Variants in EYA3 observed in about 807,000 individuals in gnomAD.
The protein encoded by EYA3 is protein phosphatase EYA3.
A neutral mutation model predicts 80.0 loss-of-function variants in EYA3; 39 were observed. The observed-to-expected ratio is 0.49, with a 90% CI of 0.38 to 0.64. The LOEUF is 0.64. Ranked by LOEUF, EYA3 falls within the 30% of genes least tolerant of loss-of-function variation. The pLI is 0.00. For missense variants in EYA3, 523 were observed against 676.1 expected (o/e 0.77, Z 2.51); for synonymous variants, 206 against 232.8 (o/e 0.88, Z 1.05).
intron 11 of EYA3, among the ~76,000 whole-genome samples, chr1:28,003,551 A>T (rs1213906554): frequency 6.6e-6 from 1 of 152,210 alleles, no homozygotes; most frequent in Non-Finnish European, 1.5e-5. Context: ...AATAACTGGA[A>T]GTAACAGGAC....
At chr1:28,000,074 G>C (rs1430747785) in intron 11 of EYA3, 25 bp from the exon 12 acceptor site, 1 of 1,537,114 alleles carries the variant, frequency 6.5e-7, no homozygotes, top group African/African-American at 1.4e-5. Context: ...GAAAAAATCA[G>C]CTTGACTTGG....
intron 6 of EYA3, among the ~76,000 whole-genome samples, chr1:28,032,743 A>G (rs1293620179): frequency 6.6e-6 from 1 of 152,182 alleles, no homozygotes; most frequent in Non-Finnish European, 1.5e-5. Context: ...CTTTACTTTA[A>G]AAGATTACTC....
intron 1 of EYA3, among the ~76,000 whole-genome samples, chr1:28,078,900 T>C (rs1557653443): frequency 6.6e-6 from 1 of 152,204 alleles, no homozygotes; most frequent in Non-Finnish European, 1.5e-5. Flanking sequence ...AAACCACAGC[T>C]ATGTGTCTCA....
chr1:28,051,256 A>G (rs1338232873), intron 2 of EYA3, among the ~76,000 whole-genome samples: 1 of 152,200 alleles, frequency 6.6e-6, no homozygotes, highest in Non-Finnish European at 1.5e-5. Context: ...AAACCACTAG[A>G]ACTGATAAAC....
intron 7 of EYA3, among the ~76,000 whole-genome samples, chr1:28,023,372 T>C (rs905247339): frequency 6.6e-6 from 1 of 152,154 alleles, no homozygotes; most frequent in Non-Finnish European, 1.5e-5. Flanking sequence ...CTGTACATAG[T>C]GAATTCTATC....
intron 10 of EYA3, among the ~76,000 whole-genome samples, chr1:28,010,429 T>G (rs1164012211): frequency 1.3e-5 from 2 of 152,170 alleles, no homozygotes; most frequent in Non-Finnish European, 2.9e-5. Flanking sequence ...CTCACTCTGT[T>G]GCCCTGGCTG....
intron 2 of EYA3, among the ~76,000 whole-genome samples, chr1:28,052,744 C>A (rs1571904393): frequency 6.6e-6 from 1 of 151,802 alleles, no homozygotes; most frequent in South Asian, 2.1e-4. Flanking sequence ...GAGTTCAAGA[C>A]CAGCCTGGCC....
intron 1 of EYA3, among the ~76,000 whole-genome samples, chr1:28,083,520 A>C (rs1645506278): frequency 6.8e-6 from 1 of 146,372 alleles, no homozygotes; most frequent in East Asian, 2.0e-4. Context: ...ACTCCGTCTC[A>C]AAAAAAAAAA....
chr1:28,027,688 C>G (rs922055392), intron 7 of EYA3, 101 bp downstream of exon 7: 1 of 1,450,290 alleles, frequency 6.9e-7, no homozygotes, highest in African/African-American at 1.4e-5. Context: ...GAAGACAGAG[C>G]TCCTGTATTA....
At chr1:28,031,550 T>G (rs1271179222) in intron 6 of EYA3, among the ~76,000 whole-genome samples, 1 of 152,218 alleles carries the variant, frequency 6.6e-6, no homozygotes, top group African/African-American at 2.4e-5. Flanking sequence ...TCTACCCAAG[T>G]TTCTCAGCAC....
At chr1:28,061,834 C>A (rs1338746629) in intron 1 of EYA3, among the ~76,000 whole-genome samples, 1 of 152,058 alleles carries the variant, frequency 6.6e-6, no homozygotes, top group Admixed American at 6.5e-5. Context: ...CTCCTGACCT[C>A]GTGATCCGCC....
chr1:27,995,175 A>AG (rs1262499659), intron 13 of EYA3, among the ~76,000 whole-genome samples: 1 of 149,676 alleles, frequency 6.7e-6, no homozygotes, highest in Non-Finnish European at 1.5e-5. Context: ...GAGGCCAATG[A>AG]GGGGGGATCA....
chr1:28,048,451 A>G, intron 2 of EYA3, 25 bp from the exon 3 acceptor site: 1 of 1,593,154 alleles, frequency 6.3e-7, no homozygotes, highest in Non-Finnish European at 8.6e-7. Flanking sequence ...ATACAAAGGT[A>G]TCAATGTACT....
Position 28,042,622 on chromosome 1 carries a change from G to C in EYA3, c.106C>G (p.Gln36Glu). 1 of 1,614,146 alleles carries C rather than the reference G, an allele frequency of 6.2e-7. No homozygotes were observed. The highest frequency in any genetic ancestry group is 1.3e-5 in the African/African-American group (1 of 75,028). Residue 36 changes from glutamine to glutamate, a missense_variant, in exon 4 of 18, where the codon CAG becomes GAG. Coordinates refer to ENST00000373871, the MANE Select transcript of EYA3 (RefSeq NM_001990.4). Reference sequence around the variant, plus strand: ...GCAAGGCTTGATGTTTCAGGCTTCTGATCACTGACATCTGGATTGCTTACT... The same window carrying C: ...GCAAGGCTTGATGTTTCAGGCTTCTCATCACTGACATCTGGATTGCTTACT... Reference protein sequence around the residue: ...SQVSNPDVSDQKPETSSLASN... With the variant: ...SQVSNPDVSDEKPETSSLASN...
intron 8 of EYA3, among the ~76,000 whole-genome samples, chr1:28,015,425 CA>C (rs1641983519): frequency 1.3e-5 from 2 of 151,986 alleles, no homozygotes; most frequent in Non-Finnish European, 1.5e-5. Context: ...CGAATAAAAA[CA>C]TGAAAAGAAG....
Position 28,084,459 on chromosome 1 carries a change from A to C in EYA3, c.-69+4065T>G, listed in dbSNP as rs376470609. Among the ~76,000 whole-genome samples the C allele has an allele frequency of 1.8e-4, 27 of 149,818 alleles. No individual in the cohort carries two copies. The South Asian group carries it at 5.5e-3, about 30-fold the overall frequency. ...TATTTTTAAGTTAATTAGAAAACAG[A>C]AAGTCCACCTATTTTCCACCTTACT... On this transcript the variant is annotated intron_variant, in intron 1 of 17. Coordinates refer to ENST00000373871, the MANE Select transcript of EYA3 (RefSeq NM_001990.4).
Position 28,080,260 on chromosome 1 carries a change from T to C in EYA3, c.-69+8264A>G, listed in dbSNP as rs576565628. ...AGGAGTTCAAGACCAGCCTGGGCAA[T>C]ACAGTGAAACCGCATCTATAAAACA... On this transcript the variant is annotated intron_variant, in intron 1 of 17. Coordinates refer to ENST00000373871, the MANE Select transcript of EYA3 (RefSeq NM_001990.4). Among the ~76,000 whole-genome samples, 70 of 151,682 alleles carry C rather than the reference T, an allele frequency of 4.6e-4. 1 individual carries two copies. Among genetic ancestry groups the C allele is most frequent in the Middle Eastern group, 6.8e-3 (2 of 294 alleles).
intron 1 of EYA3, among the ~76,000 whole-genome samples, chr1:28,064,649 T>C (rs945258077): frequency 6.6e-6 from 1 of 152,020 alleles, no homozygotes; most frequent in African/African-American, 2.4e-5. Context: ...GTTTTTAGTT[T>C]TTATTTTTTT....
chr1:28,074,952 A>T (rs536917753), intron 1 of EYA3, among the ~76,000 whole-genome samples: 1 of 152,318 alleles, frequency 6.6e-6, no homozygotes, highest in Admixed American at 6.5e-5. Flanking sequence ...TGGTCACTAA[A>T]GTCTCTGCTG....
Sources: gnomAD v4.1 joint callset for allele counts (sites outside exome capture counted in the v4.1 genomes callset) on GRCh38, gnomAD v4.1.1 for gene constraint, MANE v1.5 for transcripts, NCBI Gene and HGNC (gene_info 2026-07-23, HGNC 2026-07-21) for gene names.